IL21R: variants seen among roughly 807,000 people sequenced by gnomAD.
IL21R encodes the protein interleukin-21 receptor.
A neutral mutation model predicts 41.3 loss-of-function variants in IL21R; 14 were observed. That is an observed-to-expected ratio of 0.34 (90% CI 0.22 to 0.53). The LOEUF is 0.53. Among genes scored for constraint, IL21R ranks in the 20% least tolerant of loss-of-function variants. The probability of loss-of-function intolerance (pLI) is 0.94; values close to 1 mark genes in which losing one functional copy is unlikely to be tolerated. For synonymous variants in IL21R, 286 were observed against 287.6 expected (o/e 0.99, Z 0.05); for missense variants, 588 against 681.6 (o/e 0.86, Z 1.53).
chr16:27,440,500 T>C (rs1022471191), intron 4 of IL21R, among the ~76,000 whole-genome samples: 2 of 151,956 alleles, frequency 1.3e-5, no homozygotes, highest in Non-Finnish European at 2.9e-5. Flanking sequence ...CTTGAACACC[T>C]GGCCTCAAGC....
At chr16:27,436,643 T>A (rs1330438076) in intron 3 of IL21R, among the ~76,000 whole-genome samples, 3 of 152,210 alleles carry the variant, frequency 2.0e-5, no homozygotes, top group Non-Finnish European at 4.4e-5. Context: ...ATCATTTTTG[T>A]CCAGTGGGAG....
At chr16:27,409,283 CAT>C (rs3084617) in intron 1 of IL21R, among the ~76,000 whole-genome samples, 21,520 of 145,480 alleles carry the variant, frequency 0.15, 1,651 homozygotes, top group South Asian at 0.22. Flanking sequence ...TATAAATTTA[CAT>C]ATATATATAA....
intron 1 of IL21R, among the ~76,000 whole-genome samples, chr16:27,418,321 C>G (rs56006474): frequency 0.27 from 40,403 of 151,368 alleles, 6,287 homozygotes; most frequent in East Asian, 0.67. Context: ...GCCCGTCTCG[C>G]CCTTCCAAAG....
At chr16:27,436,163 G>C (rs112974846) in intron 3 of IL21R, among the ~76,000 whole-genome samples, 1 of 152,198 alleles carries the variant, frequency 6.6e-6, no homozygotes, top group Non-Finnish European at 1.5e-5. Flanking sequence ...CGGGATGGCC[G>C]GTCTGCCGCA....
chr16:27,424,457 T>C (rs9930086), intron 1 of IL21R, among the ~76,000 whole-genome samples: 54,420 of 151,988 alleles, frequency 0.36, 10,135 homozygotes, highest in East Asian at 0.53. Context: ...CCAGAATCTC[T>C]TGAAATTTGG....
At chr16:27,441,144 A>G (rs2141302911) in intron 4 of IL21R, among the ~76,000 whole-genome samples, 1 of 152,178 alleles carries the variant, frequency 6.6e-6, no homozygotes, top group African/African-American at 2.4e-5. Context: ...AAAAAAAGAA[A>G]AAGTGGAGAA....
chr16:27,449,448 G>A lies in IL21R; in HGVS notation c.*165G>A, dbSNP rs2087551608. On this transcript the variant is annotated 3_prime_UTR_variant, in exon 9 of 9. Transcript: ENST00000337929. ...TGTGTGTGTGTGCATATGTGTGTGTGTGCATATGCATGTGTGTGTGTGTGT... is the reference window on the plus strand; with the variant it reads ...TGTGTGTGTGTGCATATGTGTGTGTATGCATATGCATGTGTGTGTGTGTGT... 3 of 673,814 alleles carry A rather than the reference G, an allele frequency of 4.5e-6. No homozygotes were observed. The highest frequency in any genetic ancestry group is 3.9e-5 in the South Asian group (2 of 51,654). 41.7% of individuals were successfully genotyped at this position (673,814 alleles called of 1,614,324 possible). A position where few individuals can be genotyped will look rare whatever the true frequency, so the allele number is the denominator to read the frequency against.
intron 1 of IL21R, among the ~76,000 whole-genome samples, chr16:27,421,335 C>CAAAAA (rs35250936): frequency 1.2e-3 from 98 of 84,112 alleles, no homozygotes; most frequent in East Asian, 2.1e-3. Context: ...TCAATTTCTG[C>CAAAAA]AAAAAAAAAA....
At position 27,451,162 on chromosome 16, in the gene IL21R, G is replaced by A. The variant is rs1450271051; in HGVS notation, c.*1879G>A. On this transcript the variant is annotated 3_prime_UTR_variant, in exon 9 of 9. Coordinates refer to ENST00000337929, the MANE Select transcript of IL21R (RefSeq NM_181078.3). Reference sequence around the variant, plus strand: ...TGCACCTGCACCCTAGGGACTCTTGGGTCCAGATGTGCTGTGGTTTTCACA... The same window carrying A: ...TGCACCTGCACCCTAGGGACTCTTGAGTCCAGATGTGCTGTGGTTTTCACA... The A allele has an allele frequency of 4.4e-6, 1 of 229,094 alleles. No individual in the cohort carries two copies. The highest frequency in any genetic ancestry group is 8.5e-6 in the Non-Finnish European group (1 of 117,530). The allele number at this position is 229,094 out of a possible 1,614,324, so 14.2% of individuals were successfully genotyped here.
chr16:27,444,849 C>G (rs2087449814), intron 6 of IL21R, 130 bp downstream of exon 6: 1 of 872,002 alleles, frequency 1.1e-6, no homozygotes, highest in Non-Finnish European at 1.7e-6. Context: ...TGTAGCCCTT[C>G]AATTACATTT....
intron 1 of IL21R, among the ~76,000 whole-genome samples, chr16:27,423,469 C>T (rs2087028379): frequency 1.3e-5 from 2 of 152,174 alleles, no homozygotes; most frequent in Non-Finnish European, 2.9e-5. Flanking sequence ...AACATTCCTC[C>T]TTCTCACACC....
At chr16:27,445,431 T>C (rs2087459986) in intron 7 of IL21R, among the ~76,000 whole-genome samples, 155 bp downstream of exon 7, 1 of 152,168 alleles carries the variant, frequency 6.6e-6, no homozygotes, top group African/African-American at 2.4e-5. Flanking sequence ...CTGGACACTG[T>C]GGAGGGCACT....
intron 1 of IL21R, among the ~76,000 whole-genome samples, chr16:27,417,294 TG>T (rs1299109680): frequency 6.6e-6 from 1 of 151,908 alleles, no homozygotes; most frequent in Non-Finnish European, 1.5e-5. Context: ...CCTGAGTAGC[TG>T]GGGCCACAGG....
intron 1 of IL21R, among the ~76,000 whole-genome samples, chr16:27,428,147 G>A (rs939680524): frequency 6.6e-6 from 1 of 152,138 alleles, no homozygotes; most frequent in African/African-American, 2.4e-5. Flanking sequence ...GAGTGTTTAT[G>A]TGATGGGGGC....
At chr16:27,425,433 T>A (rs72784342) in intron 1 of IL21R, among the ~76,000 whole-genome samples, 438 of 152,326 alleles carry the variant, frequency 2.9e-3, no homozygotes, top group Non-Finnish European at 4.8e-3. Flanking sequence ...GTGTTAAATA[T>A]CCCTGGATCC....
In IL21R at chr16:27,430,108, C is replaced by A; in HGVS notation, c.37C>A (p.Leu13Met). 6.2e-7 allele frequency: 1 copy of A among 1,604,626 alleles called. No homozygotes were observed. Among genetic ancestry groups the A allele is most frequent in the Non-Finnish European group, 8.5e-7 (1 of 1,179,772 alleles). ...CTGGGCCGCCCCCTTGCTCCTGCTGCTGCTCCAGGGAGGTAAGTGGCTGCC... is the reference window on the plus strand; with the variant it reads ...CTGGGCCGCCCCCTTGCTCCTGCTGATGCTCCAGGGAGGTAAGTGGCTGCC... ...RGWAAPLLLL[L>M]LQGGWGCPDL... is the part of the protein sequence containing the mutation. Residue 13 changes from leucine (L) to methionine (M), a missense_variant, in exon 2 of 9, where the codon CTG becomes ATG. Coordinates refer to ENST00000337929, the MANE Select transcript of IL21R (RefSeq NM_181078.3).
At chr16:27,437,884 G>C (rs927370436) in intron 4 of IL21R, among the ~76,000 whole-genome samples, 197 bp downstream of exon 4, 2 of 152,030 alleles carry the variant, frequency 1.3e-5, no homozygotes. Context: ...GGCCAGTCTC[G>C]AACTCCTGGG....
At chr16:27,412,131 A>G (rs1337047254) in intron 1 of IL21R, among the ~76,000 whole-genome samples, 1 of 152,206 alleles carries the variant, frequency 6.6e-6, no homozygotes, top group Admixed American at 6.5e-5. Flanking sequence ...TAAAATAAGG[A>G]TCCAACATCA....
Position 27,448,641 on chromosome 16 carries a change from G to C in IL21R, c.975G>C (p.Pro325=). The C allele has an allele frequency of 6.2e-7, 1 of 1,613,094 alleles. No homozygotes were observed. The change falls in exon 9 of 9, where the codon CCG becomes CCC. Residue 325 remains proline (P), a synonymous_variant. Transcript: ENST00000337929. ...EVYSCHPPRS[P]AKRLQLTELQ... is the part of the protein sequence containing the mutation. ...ACAGCTGCCACCCACCACGGAGCCC[G>C]GCCAAGAGGCTGCAGCTCACGGAGC...
Sources: gnomAD v4.1 joint callset for allele counts (sites outside exome capture counted in the v4.1 genomes callset) on GRCh38, gnomAD v4.1.1 for gene constraint, MANE v1.5 for transcripts, NCBI Gene and HGNC (gene_info 2026-07-23, HGNC 2026-07-21) for gene names.